Variants in E2F5 observed in about 807,000 individuals in gnomAD.
E2F5 encodes the protein transcription factor E2F5.
A neutral mutation model predicts 39.1 loss-of-function variants in E2F5; 23 were observed. The observed-to-expected ratio is 0.59, with a 90% CI of 0.42 to 0.83. E2F5 has a LOEUF of 0.83. Ranked by LOEUF, E2F5 falls within the 40% of genes least tolerant of loss-of-function variation. The pLI is 0.00. For synonymous variants in E2F5, 145 were observed against 157.8 expected (o/e 0.92, Z 0.61); for missense variants, 365 against 406.7 (o/e 0.90, Z 0.88).
intron 1 of E2F5, chr8:85,201,811 G>A (rs1812703177): frequency 7.3e-6 from 2 of 274,504 alleles, no homozygotes; most frequent in Admixed American, 1.2e-4. Flanking sequence ...AAATAAGATA[G>A]GAGGTGACAT....
chr8:85,182,143 T>C (rs771160100), intron 1 of E2F5, among the ~76,000 whole-genome samples: 27 of 152,248 alleles, frequency 1.8e-4, no homozygotes, highest in Admixed American at 5.2e-4. Flanking sequence ...GGGATAGTTA[T>C]TATTTCTTTA....
At chr8:85,203,058 T>C (rs750095835) in intron 2 of E2F5, 36 bp from the exon 3 acceptor site, 58 of 1,370,556 alleles carry the variant, frequency 4.2e-5, no homozygotes, top group Non-Finnish European at 5.3e-5. Flanking sequence ...AACCTAGATC[T>C]GATACTGAGG....
At chr8:85,213,494 G>GCT in intron 7 of E2F5, 1 of 183,404 alleles carries the variant, frequency 5.5e-6, no homozygotes, top group Non-Finnish European at 1.0e-5. Context: ...AGTGGGCCGA[G>GCT]ATCGAGCTAC....
intron 6 of E2F5, among the ~76,000 whole-genome samples, chr8:85,211,149 G>A (rs150377526): frequency 2.6e-5 from 4 of 151,650 alleles, no homozygotes; most frequent in East Asian, 1.9e-4. Flanking sequence ...ACTTTGGGAG[G>A]CCGAGGCAGG....
chr8:85,190,313 T>C (rs1037188944), intron 1 of E2F5, among the ~76,000 whole-genome samples: 2 of 150,188 alleles, frequency 1.3e-5, no homozygotes, highest in Non-Finnish European at 3.0e-5. Flanking sequence ...TGGCCACTTC[T>C]CCAAACCGTC....
intron 1 of E2F5, among the ~76,000 whole-genome samples, chr8:85,184,071 A>G (rs556102657): frequency 2.4e-4 from 36 of 152,296 alleles, no homozygotes; most frequent in African/African-American, 8.7e-4. Context: ...GCCAATGAAA[A>G]AAAAGAAAAT....
chr8:85,204,960 C>T (rs767081053), intron 3 of E2F5, among the ~76,000 whole-genome samples: 6 of 152,152 alleles, frequency 3.9e-5, no homozygotes, highest in Non-Finnish European at 7.4e-5. Context: ...CCAAGGTTGG[C>T]GGATCACCTG....
chr8:85,187,006 T>G (rs1170669479), intron 1 of E2F5, among the ~76,000 whole-genome samples: 1 of 151,742 alleles, frequency 6.6e-6, no homozygotes, highest in Non-Finnish European at 1.5e-5. Context: ...TTCCATAGAT[T>G]TTGTTATATT....
At chr8:85,191,425 G>A (rs1471898097) in intron 1 of E2F5, among the ~76,000 whole-genome samples, 1 of 152,048 alleles carries the variant, frequency 6.6e-6, no homozygotes, top group Non-Finnish European at 1.5e-5. Flanking sequence ...TAGAATTTGA[G>A]TGTTCTTACC....
Position 85,214,211 on chromosome 8 carries a change from T to G in E2F5, c.*349T>G, listed in dbSNP as rs755600082. On this transcript the variant is annotated 3_prime_UTR_variant, in exon 8 of 8. Transcript: ENST00000416274. ...CATCAAAAACAAGTTGGCCAAGGAC[T>G]CATTACTTGTCTTATATTTTTACTG... 1 of 538,166 alleles carries G rather than the reference T, an allele frequency of 1.9e-6. No individual in the cohort carries two copies. The allele number at this position is 538,166 out of a possible 1,614,324, so 33.3% of individuals were successfully genotyped here. A position where few individuals can be genotyped will look rare whatever the true frequency, so the allele number is the denominator to read the frequency against.
At chr8:85,204,617 C>T (rs950472700) in intron 3 of E2F5, among the ~76,000 whole-genome samples, 7 of 151,842 alleles carry the variant, frequency 4.6e-5, no homozygotes, top group Middle Eastern at 3.4e-3. Context: ...GGGTGCAGCA[C>T]GCCAACATGG....
In E2F5 at chr8:85,206,179, T is replaced by A; in HGVS notation, c.509T>A (p.Phe170Tyr). 1 of 1,613,240 alleles carries A rather than the reference T, an allele frequency of 6.2e-7. No individual in the cohort carries two copies. The highest frequency in any genetic ancestry group is 1.1e-5 in the South Asian group (1 of 91,050). Residue 170 changes from phenylalanine to tyrosine, a missense_variant and splice_region_variant, in exon 4 of 8, where the codon TTT becomes TAT. Physicochemically the swap from Phe to Tyr is conservative, Grantham distance 22. Coordinates refer to ENST00000416274, the MANE Select transcript of E2F5 (RefSeq NM_001951.4). ...NVMDDSINNR[F>Y]SYVTHEDICN... ...TTCCTTAACTCCTATGACAGTACAT[T>A]TTCCTATGTAACTCATGAAGACATC...
In E2F5 at chr8:85,202,209, G is replaced by C; in HGVS notation, c.297G>C (p.Glu99Asp). 1 of 1,612,546 alleles carries C rather than the reference G, an allele frequency of 6.2e-7. No individual in the cohort carries two copies. Among genetic ancestry groups the C allele is most frequent in the Non-Finnish European group, 8.5e-7 (1 of 1,179,412 alleles). Reference sequence around the variant, plus strand: ...TTTATGATATCACCAATGTCTTAGAGGGAATTGACTTGATTGAAAAAAAGT... The same window carrying C: ...TTTATGATATCACCAATGTCTTAGACGGAATTGACTTGATTGAAAAAAAGT... ...RRIYDITNVL[E>D]GIDLIEKKSK... Residue 99 changes from glutamate to aspartate, a missense_variant, in exon 2 of 8, where the codon GAG becomes GAC. Physicochemically the swap from Glu to Asp is conservative, Grantham distance 45. Transcript: ENST00000416274.
chr8:85,209,034 A>G, intron 5 of E2F5, 108 bp from the exon 6 acceptor site: 13 of 1,107,604 alleles, frequency 1.2e-5, no homozygotes, highest in Non-Finnish European at 1.7e-5. Context: ...TTATTGTGTT[A>G]TGTGAATTTA....
At chr8:85,203,277 G>A in intron 3 of E2F5, 22 bp downstream of exon 3, 2 of 1,550,398 alleles carry the variant, frequency 1.3e-6, no homozygotes, top group Non-Finnish European at 1.7e-6. Flanking sequence ...AATAAGTTAT[G>A]CATATACATA....
At chr8:85,182,004 A>G (rs567040480) in intron 1 of E2F5, among the ~76,000 whole-genome samples, 1 of 152,232 alleles carries the variant, frequency 6.6e-6, no homozygotes, top group East Asian at 1.9e-4. Flanking sequence ...CAATTTTAAT[A>G]AAGCTGTTGT....
intron 1 of E2F5, among the ~76,000 whole-genome samples, chr8:85,191,083 A>G (rs1289842102): frequency 6.6e-6 from 1 of 152,148 alleles, no homozygotes; most frequent in Non-Finnish European, 1.5e-5. Context: ...CTTCTGATCT[A>G]TAGAACTATA....
At chr8:85,189,205 T>G (rs1481408452) in intron 1 of E2F5, among the ~76,000 whole-genome samples, 1 of 152,198 alleles carries the variant, frequency 6.6e-6, no homozygotes, top group Non-Finnish European at 1.5e-5. Context: ...TAAAATACAA[T>G]TACTGAAGTA....
intron 1 of E2F5, among the ~76,000 whole-genome samples, chr8:85,198,140 A>T (rs2129702376): frequency 6.6e-6 from 1 of 152,288 alleles, no homozygotes; most frequent in African/African-American, 2.4e-5. Context: ...GTACCCAGGT[A>T]CTCTGCTGGA....
Sources: gnomAD v4.1 joint callset for allele counts (sites outside exome capture counted in the v4.1 genomes callset) on GRCh38, gnomAD v4.1.1 for gene constraint, MANE v1.5 for transcripts, NCBI Gene and HGNC (gene_info 2026-07-23, HGNC 2026-07-21) for gene names.